TSPOAP1: variants seen among roughly 807,000 people sequenced by gnomAD.
The protein encoded by TSPOAP1 is TSPO associated protein 1.
TSPOAP1 carries 87 observed loss-of-function variants against 197.0 expected under a neutral mutation model. That is an observed-to-expected ratio of 0.44 (90% CI 0.37 to 0.53). The LOEUF (loss-of-function observed/expected upper bound fraction) is 0.53, where lower values mean the gene tolerates loss of function less well. Ranked by LOEUF, TSPOAP1 falls within the 20% of genes least tolerant of loss-of-function variation. The pLI is 0.00. For missense variants in TSPOAP1, 2,174 were observed against 2,411.3 expected, an observed-to-expected ratio of 0.90 and a Z score of 2.06; for synonymous variants, 913 against 998.9, an observed-to-expected ratio of 0.91 and a Z score of 1.62.
Position 58,307,901 on chromosome 17 carries a change from C to T in TSPOAP1, c.4772G>A (p.Gly1591Glu). 1 of 1,613,438 alleles carries T rather than the reference C, an allele frequency of 6.2e-7. No individual in the cohort carries two copies. Reference protein sequence around the residue: ...TGEARGQDGSGRRGPQKRGVR... With the variant: ...TGEARGQDGSERRGPQKRGVR... ...ACCTCTCTTCTGGGGGCCCCTCCGC[C>T]CAGAGCCGTCCTGCCCTCTGGCCTC... Residue 1591 changes from glycine (G) to glutamate (E), a missense_variant, in exon 23 of 32, where the codon GGG becomes GAG. By Grantham distance (98) the Gly-to-Glu change is moderately conservative (BLOSUM62 -2). Coordinates refer to ENST00000343736, the MANE Select transcript of TSPOAP1 (RefSeq NM_004758.4).
chr17:58,308,653 G>C lies in TSPOAP1; in HGVS notation c.4619C>G (p.Pro1540Arg). Residue 1540 changes from proline (P) to arginine (R), a missense_variant, in exon 22 of 32, where the codon CCG becomes CGG. Around this residue, in one of 5 missense-constraint regions of TSPOAP1, gnomAD observed 1,933 missense variants for 2,139.0 expected, o/e 0.90. Coordinates refer to ENST00000343736, the MANE Select transcript of TSPOAP1 (RefSeq NM_004758.4). Reference sequence around the variant, plus strand: ...GGGCTTGGGGCCTGAATTGGCCTTCGGAGGCCCCCTGGGCCTTCCTACAGT... The same window carrying C: ...GGGCTTGGGGCCTGAATTGGCCTTCCGAGGCCCCCTGGGCCTTCCTACAGT... ...TATVGRPRGP[P>R]KANSGPKPYP... 1.2e-6 allele frequency: 2 copies of C among 1,610,132 alleles called. No individual in the cohort carries two copies. Among genetic ancestry groups the C allele is most frequent in the Non-Finnish European group, 8.5e-7 (1 of 1,177,728 alleles).
Position 58,310,095 on chromosome 17 carries a change from A to G in TSPOAP1, c.3763T>C (p.Ser1255Pro). 1 of 1,613,328 alleles carries G rather than the reference A, an allele frequency of 6.2e-7. No individual in the cohort carries two copies. Among genetic ancestry groups the G allele is most frequent in the African/African-American group, 1.3e-5 (1 of 75,016 alleles). The change falls in exon 21 of 32, where the codon TCA becomes CCA. Residue 1255 changes from serine (S) to proline (P), a missense_variant. Coordinates refer to ENST00000343736, the MANE Select transcript of TSPOAP1 (RefSeq NM_004758.4). The part of the protein sequence containing the change: ...VNSLVDHGRN[S>P]DLSDIQEEEE... Reference sequence around the variant, plus strand: ...TCCTCCTGGATGTCTGACAGGTCTGAGTTGCGGCCGTGGTCCACGAGGGAG... The same window carrying G: ...TCCTCCTGGATGTCTGACAGGTCTGGGTTGCGGCCGTGGTCCACGAGGGAG...
chr17:58,311,945 C>T lies in TSPOAP1; in HGVS notation c.2876G>A (p.Trp959Ter). ...LPPQGPWEPG[W>*]ERLEQRAATL... ...GGCAGCCCGCTGCTCCAGCCTCTCC[C>T]AGCCTGGTTCCCAGGGCCCTTGGGG... Residue 959 changes from tryptophan to a stop codon, truncating the protein, a stop_gained, in exon 17 of 32, where the codon TGG becomes TAG. Coordinates refer to ENST00000343736, the MANE Select transcript of TSPOAP1 (RefSeq NM_004758.4). LOFTEE classifies it high-confidence loss of function. 1 of 1,592,986 alleles carries T rather than the reference C, an allele frequency of 6.3e-7. No homozygotes were observed. The highest frequency in any genetic ancestry group is 8.6e-7 in the Non-Finnish European group (1 of 1,168,960).
intron 20 of TSPOAP1, among the ~76,000 whole-genome samples, 169 bp from the exon 21 acceptor site, chr17:58,310,327 G>C (rs914266931): frequency 2.0e-5 from 3 of 152,198 alleles, no homozygotes; most frequent in Admixed American, 1.3e-4. Flanking sequence ...GTGGGAGAAG[G>C]GAGATGGGAG....
At position 58,316,026 on chromosome 17, in the gene TSPOAP1, CA is replaced by C. The variant is rs1567845269; in HGVS notation, c.2094del (p.Phe698LeufsTer18). 1 of 1,613,180 alleles carries C rather than the reference CA, an allele frequency of 6.2e-7. No homozygotes were observed. The highest frequency in any genetic ancestry group is 8.5e-7 in the Non-Finnish European group (1 of 1,179,250). ...IYGNMDEDGFFEGELMDGRRG... is the reference protein window; with the variant it reads ...IYGNMDEDGFXEGELMDGRRG... Reference sequence around the variant, plus strand: ...TGACCCCCCACTACATTCCTACCTTCAAAAAAGCCATCCTCATCCATGTTGC... The same window carrying C: ...TGACCCCCCACTACATTCCTACCTTCAAAAAGCCATCCTCATCCATGTTGC... On this transcript the variant is annotated frameshift_variant, in exon 16 of 32. Transcript: ENST00000343736. LOFTEE classifies it high-confidence loss of function.
chr17:58,326,164 C>T lies in TSPOAP1; in HGVS notation c.570+129G>A. 1 of 1,451,068 alleles carries T rather than the reference C, an allele frequency of 6.9e-7. No homozygotes were observed. Among genetic ancestry groups the T allele is most frequent in the Non-Finnish European group, 9.2e-7 (1 of 1,084,878 alleles). 89.9% of individuals were successfully genotyped at this position (1,451,068 alleles called of 1,614,324 possible). On this transcript the variant is annotated intron_variant, in intron 3 of 31. Transcript: ENST00000343736. This position sits in a 1 kb window ranked among gnomAD's most constrained non-coding sequence, Gnocchi z 4.7. ...CTCTGCCCTTCCTGCACCTTAGCCC[C>T]TAGATTCTTGCTTTCCTAGGTGCTG...
Position 58,310,135 on chromosome 17 carries a change from C to T in TSPOAP1, c.3723G>A (p.Gly1241=), listed in dbSNP as rs199837276. 2 of 1,613,014 alleles carry T rather than the reference C, an allele frequency of 1.2e-6. No homozygotes were observed. Among genetic ancestry groups the T allele is most frequent in the Non-Finnish European group, 1.7e-6 (2 of 1,179,934 alleles). ...RAEKEDTAEL[G]VHLVNSLVDH... is the part of the protein sequence containing the mutation. Reference sequence around the variant, plus strand: ...CCACGAGGGAGTTCACCAGATGAACCCCAAGCTCTGCTGTGTCCTCCTTCT... The same window carrying T: ...CCACGAGGGAGTTCACCAGATGAACTCCAAGCTCTGCTGTGTCCTCCTTCT... The change falls in exon 21 of 32, where the codon GGG becomes GGA. Residue 1241 remains glycine (G), a synonymous_variant. Transcript: ENST00000343736.
chr17:58,310,199 AG>A, intron 20 of TSPOAP1, 41 bp from the exon 21 acceptor site: 1 of 1,572,236 alleles, frequency 6.4e-7, no homozygotes. Flanking sequence ...AAGGACAGTG[AG>A]GGGGCACAGG....
At chr17:58,305,779 G>T in intron 27 of TSPOAP1, 54 bp downstream of exon 27, 1 of 1,605,632 alleles carries the variant, frequency 6.2e-7, no homozygotes. Context: ...GGCCAGAGGG[G>T]CCACCCACCC....
Position 58,310,749 on chromosome 17 carries a change from C to G in TSPOAP1, c.3462G>C (p.Glu1154Asp), listed in dbSNP as rs1971053540. The G allele has an allele frequency of 1.2e-6, 2 of 1,611,386 alleles. No homozygotes were observed. The highest frequency in any genetic ancestry group is 1.7e-6 in the Non-Finnish European group (2 of 1,178,820). The change falls in exon 20 of 32, where the codon GAG becomes GAC. Residue 1154 changes from glutamate to aspartate, a missense_variant and splice_region_variant. Glu to Asp is a conservative substitution (Grantham distance 45). This residue lies in a region of TSPOAP1 where 1,933 missense variants were observed against 2,139.0 expected (regional missense o/e 0.90). Coordinates refer to ENST00000343736, the MANE Select transcript of TSPOAP1 (RefSeq NM_004758.4). The stretch of plus-strand genomic sequence containing the variant: ...TGCCCAGCACTGCTGCCCCAGCCTC[C>G]TCCTGGAACAGAGAGCACTGAGGAA... The part of the protein sequence containing the change: ...HEDPPAPCSQ[E>D]EAGAAVLGTS...
chr17:58,302,300 G>C lies in TSPOAP1; in HGVS notation c.*180C>G. On this transcript the variant is annotated 3_prime_UTR_variant, in exon 32 of 32. Transcript: ENST00000343736. ...TTCTTCCCAGAGCCCAGCCTCCTGAGGAGCTGCTTCCCCTTGGAGAAGAAA... is the reference window on the plus strand; with the variant it reads ...TTCTTCCCAGAGCCCAGCCTCCTGACGAGCTGCTTCCCCTTGGAGAAGAAA... 4 of 1,289,538 alleles carry C rather than the reference G, an allele frequency of 3.1e-6. No homozygotes were observed. The highest frequency in any genetic ancestry group is 4.0e-6 in the Non-Finnish European group (4 of 988,804). The allele number at this position is 1,289,538 out of a possible 1,614,324, so 79.9% of individuals were successfully genotyped here.
chr17:58,325,923 A>G (rs1971582973), intron 3 of TSPOAP1, among the ~76,000 whole-genome samples: 1 of 152,156 alleles, frequency 6.6e-6, no homozygotes, highest in Non-Finnish European at 1.5e-5. Flanking sequence ...GTTTAGGATC[A>G]AAGGATGCTG....
At chr17:58,313,565 G>A (rs1012071034) in intron 16 of TSPOAP1, among the ~76,000 whole-genome samples, 3 of 150,348 alleles carry the variant, frequency 2.0e-5, no homozygotes, top group South Asian at 2.1e-4. Context: ...TCATAATCGC[G>A]CCACTGCACT....
At chr17:58,316,763 G>A (rs1255178636) in intron 14 of TSPOAP1, among the ~76,000 whole-genome samples, 3 of 152,246 alleles carry the variant, frequency 2.0e-5, no homozygotes, top group Non-Finnish European at 2.9e-5. Flanking sequence ...GGGGCAGTGG[G>A]GATAACCCAG....
chr17:58,312,383 G>C lies in TSPOAP1; in HGVS notation c.2438C>G (p.Pro813Arg), dbSNP rs559847242. 1.9e-6 allele frequency: 3 copies of C among 1,611,926 alleles called. No homozygotes were observed. The highest frequency in any genetic ancestry group is 3.3e-5 in the Admixed American group (2 of 59,890). The change falls in exon 17 of 32, where the codon CCG becomes CGG. Residue 813 changes from proline to arginine, a missense_variant. By Grantham distance (103) the Pro-to-Arg change is moderately radical. This residue lies in a region of TSPOAP1 where 1,933 missense variants were observed against 2,139.0 expected (regional missense o/e 0.90). Transcript: ENST00000343736. ...GTGTAGCTCCACTTGCTCAGGAGGCGGCTCCCAGGCCAGCACCACGCTGTG... is the reference window on the plus strand; with the variant it reads ...GTGTAGCTCCACTTGCTCAGGAGGCCGCTCCCAGGCCAGCACCACGCTGTG... ...LAHSVVLAWE[P>R]PPEQVELHGF...
chr17:58,310,150 G>C lies in TSPOAP1; in HGVS notation c.3708C>G (p.Asp1236Glu), dbSNP rs1462609538. 2 of 1,612,192 alleles carry C rather than the reference G, an allele frequency of 1.2e-6. No homozygotes were observed. The highest frequency in any genetic ancestry group is 1.7e-6 in the Non-Finnish European group (2 of 1,179,608). Residue 1236 changes from aspartate (D) to glutamate (E), a missense_variant, in exon 21 of 32, where the codon GAC becomes GAG. Asp to Glu is a conservative substitution (Grantham distance 45, BLOSUM62 2). Transcript: ENST00000343736. ...SGLRPRAEKE[D>E]TAELGVHLVN... The stretch of plus-strand genomic sequence containing the variant: ...CCAGATGAACCCCAAGCTCTGCTGT[G>C]TCCTCCTTCTGCAAGAAGTGAGGCA...
intron 10 of TSPOAP1, 56 bp from the exon 11 acceptor site, chr17:58,320,637 A>G: frequency 7.5e-7 from 1 of 1,337,440 alleles, no homozygotes; most frequent in Non-Finnish European, 9.8e-7. Context: ...GGGGTGGAGT[A>G]GAGAGGGCTG....
chr17:58,312,683 T>C lies in TSPOAP1; in HGVS notation c.2138A>G (p.Asn713Ser), dbSNP rs146679337. Reference protein sequence around the residue: ...MDGRRGLVPSNFVERVSDDDL... With the variant: ...MDGRRGLVPSSFVERVSDDDL... ...ATCATCCGACACACGCTCTACAAAA[T>C]TGGAAGGGACCAGGCCCCTTCGGCC... The change falls in exon 17 of 32, where the codon AAT (asparagine) becomes AGT (serine). Residue 713 changes from asparagine to serine, a missense_variant. Asn to Ser is a conservative substitution (Grantham distance 46). Transcript: ENST00000343736. The C allele has an allele frequency of 3.7e-6, 6 of 1,613,234 alleles. No homozygotes were observed. The highest frequency in any genetic ancestry group is 1.7e-5 in the Admixed American group (1 of 59,976).
chr17:58,314,358 G>T (rs2526382), intron 16 of TSPOAP1, among the ~76,000 whole-genome samples: 11,257 of 152,206 alleles, frequency 0.074, 549 homozygotes, highest in African/African-American at 0.14. Flanking sequence ...TTTGGAAAAA[G>T]CGTCTTTGCA....
Sources: allele counts gnomAD v4.1 joint callset (sites outside exome capture counted in the v4.1 genomes callset), GRCh38; gene constraint gnomAD v4.1.1; regional missense constraint gnomAD v4.1.1; non-coding constraint Gnocchi (gnomAD v3.1); transcripts MANE v1.5; gene names NCBI Gene and HGNC (gene_info 2026-07-23, HGNC 2026-07-21).